The following ATP8A2 variants were observed in gnomAD, a reference collection of about 807,000 sequenced individuals.
The protein encoded by ATP8A2 is phospholipid-transporting ATPase IB.
A neutral mutation model predicts 165.6 loss-of-function variants in ATP8A2; 100 were observed. The ratio of observed to expected loss-of-function variants is 0.60; its 90% CI spans 0.51 to 0.71. The LOEUF is 0.71. Among genes scored for constraint, ATP8A2 ranks in the 30% least tolerant of loss-of-function variants. The pLI, the probability that ATP8A2 is intolerant of heterozygous loss-of-function variation, is 0.00. For synonymous variants in ATP8A2, 543 were observed against 548.8 expected (o/e 0.99, Z 0.15); for missense variants, 1,227 against 1,479.5 (o/e 0.83, Z 2.80).
chr13:25,975,582 GAA>G (rs56767162), intron 35 of ATP8A2, among the ~76,000 whole-genome samples: 5 of 144,768 alleles, frequency 3.5e-5, no homozygotes, highest in South Asian at 4.4e-4. Flanking sequence ...ACTCCATCTC[GAA>G]AAAAAAAAAA....
intron 33 of ATP8A2, among the ~76,000 whole-genome samples, chr13:25,905,415 GCTCTCT>G (rs527994694): frequency 6.7e-6 from 1 of 149,290 alleles, no homozygotes; most frequent in Non-Finnish European, 1.5e-5. Flanking sequence ...ATTTTTATAT[GCTCTCT>G]CTCTCTCTCT....
At chr13:25,983,220 C>A (rs1956206579) in intron 35 of ATP8A2, among the ~76,000 whole-genome samples, 1 of 152,144 alleles carries the variant, frequency 6.6e-6, no homozygotes, top group African/African-American at 2.4e-5. Flanking sequence ...TTTTACATTC[C>A]TAAAACTGAT....
intron 2 of ATP8A2, among the ~76,000 whole-genome samples, chr13:25,499,522 C>T (rs1249728936): frequency 2.0e-5 from 3 of 152,166 alleles, no homozygotes; most frequent in Admixed American, 2.0e-4. Flanking sequence ...GAGAGCGTTT[C>T]CACCTCTGTA....
At chr13:25,864,440 A>G (rs1952447637) in intron 33 of ATP8A2, among the ~76,000 whole-genome samples, 1 of 152,116 alleles carries the variant, frequency 6.6e-6, no homozygotes, top group African/African-American at 2.4e-5. Flanking sequence ...GACCAGGCTG[A>G]TCATGCAGCT....
intron 36 of ATP8A2, among the ~76,000 whole-genome samples, chr13:26,015,496 G>T (rs1485072385): frequency 6.6e-6 from 1 of 151,952 alleles, no homozygotes; most frequent in African/African-American, 2.4e-5. Flanking sequence ...TGGCTATTAG[G>T]AATCTTTCCA....
Position 25,484,174 on chromosome 13 carries a change from G to A in ATP8A2, c.221+15053G>A, listed in dbSNP as rs772109806. Among the ~76,000 whole-genome samples the A allele has an allele frequency of 5.3e-5, 8 of 152,298 alleles. No individual in the cohort carries two copies. In the South Asian group the frequency reaches 6.2e-4, roughly 12 times the overall value. ...GAAACTGGCTTCTCCTTTTGGTGTC[G>A]TGAAAGAACACAGTTGCATATAAAT... On this transcript the variant is annotated intron_variant, in intron 2 of 36. Transcript: ENST00000381655.
intron 33 of ATP8A2, among the ~76,000 whole-genome samples, chr13:25,926,303 TC>T (rs1272150306): frequency 6.6e-6 from 1 of 152,084 alleles, no homozygotes; most frequent in African/African-American, 2.4e-5. Flanking sequence ...CGTCTATTTT[TC>T]CCATTCCATG....
At chr13:25,495,873 TGGTTC>T (rs2036662445) in intron 2 of ATP8A2, among the ~76,000 whole-genome samples, 1 of 152,092 alleles carries the variant, frequency 6.6e-6, no homozygotes, top group South Asian at 2.1e-4. Context: ...TCAAGCTGCT[TGGTTC>T]GAATATATTT....
chr13:25,991,832 G>A (rs1053828417), intron 35 of ATP8A2, among the ~76,000 whole-genome samples: 2 of 151,278 alleles, frequency 1.3e-5, no homozygotes, highest in Non-Finnish European at 2.9e-5. Flanking sequence ...TCAATATTAG[G>A]TCTTAATTTT....
At chr13:25,993,591 A>T (rs1407267604) in intron 35 of ATP8A2, among the ~76,000 whole-genome samples, 1 of 152,150 alleles carries the variant, frequency 6.6e-6, no homozygotes, top group Non-Finnish European at 1.5e-5. Flanking sequence ...TTCCAGCACC[A>T]TTTGTCAAAA....
At position 25,651,431 on chromosome 13, in the gene ATP8A2, G is replaced by T. The variant is rs117288276; in HGVS notation, c.2212-47742G>T. Among the ~76,000 whole-genome samples, 498 of 150,300 alleles carry T rather than the reference G, an allele frequency of 3.3e-3. 1 individual carries two copies. Among genetic ancestry groups the T allele is most frequent in the Non-Finnish European group, 5.8e-3 (392 of 67,824 alleles). Reference sequence around the variant, plus strand: ...GCACTCCAGCCTGGCGGCAGAGTGAGACTGTTTCAAAAAAAAAAAAATTAT... The same window carrying T: ...GCACTCCAGCCTGGCGGCAGAGTGATACTGTTTCAAAAAAAAAAAAATTAT... On this transcript the variant is annotated intron_variant, in intron 24 of 36. Coordinates refer to ENST00000381655, the MANE Select transcript of ATP8A2 (RefSeq NM_016529.6).
At chr13:25,513,245 G>A (rs1418154167) in intron 2 of ATP8A2, among the ~76,000 whole-genome samples, 2 of 151,904 alleles carry the variant, frequency 1.3e-5, no homozygotes, top group Non-Finnish European at 2.9e-5. Flanking sequence ...CTCAGACGGG[G>A]CGGCTGGGCA....
At chr13:25,561,743 T>C (rs1291026907) in intron 15 of ATP8A2, among the ~76,000 whole-genome samples, 1 of 152,254 alleles carries the variant, frequency 6.6e-6, no homozygotes, top group East Asian at 1.9e-4. Flanking sequence ...AACTTTTTCA[T>C]CTGAAACCCT....
chr13:25,480,542 C>A (rs1415109348), intron 2 of ATP8A2, among the ~76,000 whole-genome samples: 1 of 150,422 alleles, frequency 6.6e-6, no homozygotes, highest in Non-Finnish European at 1.5e-5. Flanking sequence ...AGGCGCTCCC[C>A]ACATCTCAGA....
At chr13:25,385,386 C>A (rs977543753) in intron 1 of ATP8A2, among the ~76,000 whole-genome samples, 1 of 152,208 alleles carries the variant, frequency 6.6e-6, no homozygotes, top group Non-Finnish European at 1.5e-5. Flanking sequence ...CTCAGCCTCA[C>A]TTTCCTCCTC....
At chr13:25,657,251 G>A (rs1403170548) in intron 24 of ATP8A2, among the ~76,000 whole-genome samples, 1 of 152,004 alleles carries the variant, frequency 6.6e-6, no homozygotes, top group East Asian at 1.9e-4. Flanking sequence ...GGAGCTGTCT[G>A]TATCCTCTTT....
At position 25,524,736 on chromosome 13, in the gene ATP8A2, A is replaced by G. The variant is rs191242270; in HGVS notation, c.222-5263A>G. 1.4e-4 allele frequency among the ~76,000 whole-genome samples: 22 copies of G among 152,096 alleles called. 1 individual carries two copies. The highest frequency in any genetic ancestry group is 3.4e-3 in the Middle Eastern group (1 of 294). ...TTTATAGGTGATATCGGTTTCTTGT[A>G]GGCAGCATATAGCTGAGTCTTGTTT... On this transcript the variant is annotated intron_variant, in intron 2 of 36. Transcript: ENST00000381655.
chr13:25,666,442 GT>G, intron 24 of ATP8A2, among the ~76,000 whole-genome samples: 1 of 152,130 alleles, frequency 6.6e-6, no homozygotes, highest in East Asian at 1.9e-4. Flanking sequence ...GTTTCACCAA[GT>G]TGGCCAGGCT....
At chr13:25,694,185 C>T (rs1218721479) in intron 24 of ATP8A2, among the ~76,000 whole-genome samples, 1 of 152,210 alleles carries the variant, frequency 6.6e-6, no homozygotes, top group Non-Finnish European at 1.5e-5. Context: ...CTGGAGAAAG[C>T]TGCCTTCCTA....
Sources: allele counts gnomAD v4.1 joint callset (sites outside exome capture counted in the v4.1 genomes callset), GRCh38; gene constraint gnomAD v4.1.1; transcripts MANE v1.5; gene names NCBI Gene and HGNC (gene_info 2026-07-23, HGNC 2026-07-21).